PTPN14: variants seen among roughly 807,000 people sequenced by gnomAD.
The protein encoded by PTPN14 is protein tyrosine phosphatase non-receptor type 14.
PTPN14 carries 53 observed loss-of-function variants against 126.8 expected under a neutral mutation model. The ratio of observed to expected loss-of-function variants is 0.42; its 90% CI spans 0.34 to 0.53. The LOEUF is 0.53. PTPN14 is among the 20% of genes least tolerant of loss of function. The probability of loss-of-function intolerance (pLI) is 0.08; values close to 1 mark genes in which losing one functional copy is unlikely to be tolerated. For missense variants in PTPN14, 1,257 were observed against 1,552.9 expected, an observed-to-expected ratio of 0.81 and a Z score of 3.20; for synonymous variants, 630 against 599.3, an observed-to-expected ratio of 1.05 and a Z score of -0.75.
In PTPN14 at chr1:214,383,580, C is replaced by T. The variant is rs766943271; in HGVS notation, c.2275G>A (p.Val759Met). The change falls in exon 13 of 19, where the codon GTG becomes ATG. Residue 759 changes from valine to methionine, a missense_variant. Val to Met is a conservative substitution (Grantham distance 21). This residue lies in a region of PTPN14 where 1,021 missense variants were observed against 1,183.3 expected (regional missense o/e 0.86). Coordinates refer to ENST00000366956, the MANE Select transcript of PTPN14 (RefSeq NM_005401.5). This position sits in a 1 kb window ranked among gnomAD's most constrained non-coding sequence, Gnocchi z 4.4. ...PPEYPGPRKS[V>M]SNGALRQDQA... ...TCCTGCCTCAGAGCCCCATTGCTCACACTCTTCCTTGGACCGGGGTACTCA... is the reference window on the plus strand; with the variant it reads ...TCCTGCCTCAGAGCCCCATTGCTCATACTCTTCCTTGGACCGGGGTACTCA... 1.4e-5 allele frequency: 22 copies of T among 1,613,764 alleles called. No homozygotes were observed. In the East Asian group the frequency reaches 3.6e-4, roughly 26 times the overall value.
intron 1 of PTPN14, among the ~76,000 whole-genome samples, chr1:214,500,516 A>G (rs1654657619): frequency 6.6e-6 from 1 of 152,184 alleles, no homozygotes; most frequent in Non-Finnish European, 1.5e-5. Context: ...GTGAACTGAC[A>G]GCTCTTTTAT....
intron 1 of PTPN14, among the ~76,000 whole-genome samples, chr1:214,521,865 T>C (rs373701476): frequency 6.7e-5 from 10 of 149,050 alleles, no homozygotes; most frequent in Non-Finnish European, 1.0e-4. Context: ...AGAAGGTACC[T>C]AAAACCATGT....
rs143006941 is a variant in PTPN14, at chr1:214,457,333, T to A, written c.175-5359A>T. Among the ~76,000 whole-genome samples, 4 of 152,350 alleles carry A rather than the reference T, an allele frequency of 2.6e-5. No individual in the cohort carries two copies. In the East Asian group the frequency reaches 7.7e-4, roughly 29 times the overall value. On this transcript the variant is annotated intron_variant, in intron 2 of 18. Coordinates refer to ENST00000366956, the MANE Select transcript of PTPN14 (RefSeq NM_005401.5). Reference sequence around the variant, plus strand: ...ATAGTTTGGTTTTTAAAAGCTTTTTTACACTCTTTTAAAAACCAAGGCTCT... The same window carrying A: ...ATAGTTTGGTTTTTAAAAGCTTTTTAACACTCTTTTAAAAACCAAGGCTCT...
Position 214,383,686 on chromosome 1 carries a change from C to G in PTPN14, c.2169G>C (p.Gln723His). 1 of 1,613,484 alleles carries G rather than the reference C, an allele frequency of 6.2e-7. No individual in the cohort carries two copies. The highest frequency in any genetic ancestry group is 1.1e-5 in the South Asian group (1 of 91,084). ...CCATCTTCTCCCGGAGCATGGGGAT[C>G]TGGGGCACCGATTCTGGAGCCTCCT... ...EEEEAPESVP[Q>H]IPMLREKMEY... Residue 723 changes from glutamine to histidine, a missense_variant, in exon 13 of 19, where the codon CAG (glutamine) becomes CAC (histidine). Physicochemically the swap from Gln to His is conservative, Grantham distance 24. Coordinates refer to ENST00000366956, the MANE Select transcript of PTPN14 (RefSeq NM_005401.5). The surrounding 1 kb of genome is among the most constrained non-coding windows in gnomAD (Gnocchi z 4.4).
chr1:214,533,112 C>T, intron 1 of PTPN14: 1 of 731,374 alleles, frequency 1.4e-6, no homozygotes, highest in Non-Finnish European at 2.5e-6. Flanking sequence ...ACCTGGACTC[C>T]ATGAAAAATC....
chr1:214,521,012 T>A (rs1026320849), intron 1 of PTPN14, among the ~76,000 whole-genome samples: 1 of 152,136 alleles, frequency 6.6e-6, no homozygotes, highest in East Asian at 1.9e-4. Flanking sequence ...CAGCTCCACA[T>A]GTCATTTCAC....
chr1:214,503,701 C>T (rs1314501975), intron 1 of PTPN14, among the ~76,000 whole-genome samples: 1 of 152,196 alleles, frequency 6.6e-6, no homozygotes, highest in African/African-American at 2.4e-5. Context: ...TCGGTAAAAT[C>T]CTATGATGTA....
Position 214,389,844 on chromosome 1 carries a change from G to C in PTPN14, c.987+1144C>G, listed in dbSNP as rs1352936963. On this transcript the variant is annotated intron_variant, in intron 11 of 18. Coordinates refer to ENST00000366956, the MANE Select transcript of PTPN14 (RefSeq NM_005401.5). ...AGAAGAATAAATAAATCAGTGCCAT[G>C]AACAAATCTATTGGTACTCGGGGGA... is the stretch of plus-strand genomic sequence containing the variant. 4.6e-5 allele frequency among the ~76,000 whole-genome samples: 7 copies of C among 152,194 alleles called. No homozygotes were observed. The South Asian group carries it at 1.5e-3, about 32-fold the overall frequency.
At chr1:214,456,388 T>C (rs183697123) in intron 2 of PTPN14, among the ~76,000 whole-genome samples, 9 of 152,326 alleles carry the variant, frequency 5.9e-5, no homozygotes, top group Non-Finnish European at 1.2e-4. Flanking sequence ...AAGATGACTA[T>C]AAGCAGACTC....
At chr1:214,378,668 G>GCACC in intron 13 of PTPN14, among the ~76,000 whole-genome samples, 1 of 152,290 alleles carries the variant, frequency 6.6e-6, no homozygotes, top group Middle Eastern at 3.4e-3. Context: ...GAATACCTAA[G>GCACC]GGTGTGTCAT....
At chr1:214,485,963 T>A (rs901370103) in intron 1 of PTPN14, among the ~76,000 whole-genome samples, 5 of 152,148 alleles carry the variant, frequency 3.3e-5, no homozygotes, top group South Asian at 4.1e-4. Context: ...CCTGACCTCG[T>A]GATCCGCCCG....
chr1:214,370,028 C>T (rs939261162), intron 16 of PTPN14, among the ~76,000 whole-genome samples: 10 of 152,196 alleles, frequency 6.6e-5, no homozygotes, highest in East Asian at 1.9e-4. Flanking sequence ...CGCCTGTAAT[C>T]GCAGCACTTT....
chr1:214,461,361 A>C (rs1366918237), intron 2 of PTPN14, among the ~76,000 whole-genome samples: 1 of 152,150 alleles, frequency 6.6e-6, no homozygotes, highest in Non-Finnish European at 1.5e-5. Flanking sequence ...CCCTGAGCAC[A>C]GTGTCTCACA....
chr1:214,427,233 G>A (rs1028534707), intron 3 of PTPN14, among the ~76,000 whole-genome samples: 28 of 138,898 alleles, frequency 2.0e-4, no homozygotes, highest in African/African-American at 5.6e-4. Flanking sequence ...AGCCGAGATC[G>A]TGCCACTGCA....
rs141911311 is a variant in PTPN14 at position 214,456,308 on chromosome 1, C to T, written c.175-4334G>A. ...TGTAAATTAAGAAATGGTGTGCTTC[C>T]ACATAAAATATATGAATTACATATT... On this transcript the variant is annotated intron_variant, in intron 2 of 18. Transcript: ENST00000366956. Among the ~76,000 whole-genome samples the T allele has an allele frequency of 2.0e-3, 303 of 152,254 alleles. 1 individual carries two copies. The highest frequency in any genetic ancestry group is 0.014 in the Middle Eastern group (4 of 294).
intron 1 of PTPN14, among the ~76,000 whole-genome samples, chr1:214,516,909 C>G (rs947825239): frequency 1.3e-5 from 2 of 152,096 alleles, no homozygotes; most frequent in Non-Finnish European, 2.9e-5. Context: ...CGCTACGCAC[C>G]AGGCATACTC....
intron 3 of PTPN14, among the ~76,000 whole-genome samples, chr1:214,422,451 T>A (rs1413562267): frequency 6.6e-6 from 1 of 152,112 alleles, no homozygotes; most frequent in Admixed American, 6.6e-5. Flanking sequence ...CGGAGCCTCA[T>A]CCCTCTTACA....
intron 5 of PTPN14, among the ~76,000 whole-genome samples, chr1:214,407,593 T>C (rs1659200289): frequency 6.6e-6 from 1 of 152,204 alleles, no homozygotes; most frequent in Non-Finnish European, 1.5e-5. Context: ...TGGACCAATT[T>C]AGACTGACCT....
chr1:214,384,945 T>C lies in PTPN14; in HGVS notation c.1067-157A>G, dbSNP rs959089726. On this transcript the variant is annotated intron_variant, in intron 12 of 18. Transcript: ENST00000366956. The surrounding 1 kb of genome is among the most constrained non-coding windows in gnomAD (Gnocchi z 5.3). Reference sequence around the variant, plus strand: ...ATGTTCTATAGAATAACAGATACTATCTTGGATGAAATGCCAACATACAGA... The same window carrying C: ...ATGTTCTATAGAATAACAGATACTACCTTGGATGAAATGCCAACATACAGA... Among the ~76,000 whole-genome samples, 1 of 152,170 alleles carries C rather than the reference T, an allele frequency of 6.6e-6. No homozygotes were observed. Among genetic ancestry groups the C allele is most frequent in the Admixed American group, 6.5e-5 (1 of 15,286 alleles).
Sources: allele counts gnomAD v4.1 joint callset (sites outside exome capture counted in the v4.1 genomes callset), GRCh38; gene constraint gnomAD v4.1.1; regional missense constraint gnomAD v4.1.1; non-coding constraint Gnocchi (gnomAD v3.1); transcripts MANE v1.5; gene names NCBI Gene and HGNC (gene_info 2026-07-23, HGNC 2026-07-21).